HMHB1: variants seen among roughly 807,000 people sequenced by gnomAD.
HMHB1 encodes histocompatibility minor HB-1.
Under a neutral mutation model 2.4 loss-of-function variants are expected in HMHB1, and 4 were observed. That is an observed-to-expected ratio of 1.65 (90% CI 0.81 to 3.77). The LOEUF is 3.77. HMHB1 is among the 30% of genes most tolerant of loss of function. HMHB1 has a pLI of 0.01. For synonymous variants in HMHB1, 22 were observed against 17.6 expected (o/e 1.25, Z -0.63); for missense variants, 57 against 44.2 (o/e 1.29, Z -0.82).
intron 1 of HMHB1, among the ~76,000 whole-genome samples, chr5:143,813,784 A>T (rs1014263928): frequency 1.3e-5 from 2 of 152,260 alleles, no homozygotes; most frequent in East Asian, 3.8e-4. Context: ...CAAGGAAAAA[A>T]ATATAAGTAA....
chr5:143,820,522 A>G lies in HMHB1; in HGVS notation c.80A>G (p.Asp27Gly), dbSNP rs1259444138. The G allele has an allele frequency of 1.2e-6, 2 of 1,613,354 alleles. No homozygotes were observed. Among genetic ancestry groups the G allele is most frequent in the Admixed American group, 3.3e-5 (2 of 59,970 alleles). ...AAGTCGGAATTGGTTGAAGTTGAAG[A>G]TGATGTGTATCTGAGGCACAGCTCT... is the stretch of plus-strand genomic sequence containing the variant. The change falls in exon 2 of 2, where the codon GAT becomes GGT. Residue 27 changes from aspartate to glycine, a missense_variant. Transcript: ENST00000289448.
At chr5:143,819,913 A>G in intron 1 of HMHB1, among the ~76,000 whole-genome samples, 1 of 152,166 alleles carries the variant, frequency 6.6e-6, no homozygotes, top group African/African-American at 2.4e-5. Context: ...CTTGGCTCTA[A>G]AATAAGGGGC....
intron 1 of HMHB1, 31 bp from the exon 2 acceptor site, chr5:143,820,449 C>T (rs765751008): frequency 2.2e-6 from 3 of 1,334,688 alleles, no homozygotes; most frequent in Non-Finnish European, 3.2e-6. Flanking sequence ...GTTGTAAGCT[C>T]AAGTCTCAGC....
In HMHB1 at chr5:143,820,465, C is replaced by T; in HGVS notation, c.38-15C>T. 4 of 1,537,018 alleles carry T rather than the reference C, an allele frequency of 2.6e-6. No homozygotes were observed. Among genetic ancestry groups the T allele is most frequent in the Non-Finnish European group, 3.6e-6 (4 of 1,111,128 alleles). On this transcript the variant is annotated splice_polypyrimidine_tract_variant and intron_variant, in intron 1 of 1. Coordinates refer to ENST00000289448, the MANE Select transcript of HMHB1 (RefSeq NM_021182.3). ...TTGTAAGCTCAAGTCTCAGCTAAGC[C>T]ATTCTTTTCTATAGGTTCTCTGCAT...
intron 1 of HMHB1, 130 bp from the exon 2 acceptor site, chr5:143,820,350 A>AAAAAAAAAAAAAAAAAAAAAAAAAAAAC (rs1759798690): frequency 5.1e-6 from 1 of 196,678 alleles, no homozygotes; most frequent in African/African-American, 2.7e-5. Flanking sequence ...AAAAAAAAAA[A>AAAAAAAAAAAAAAAAAAAAAAAAAAAAC]CAGAACAAAA....
At chr5:143,819,634 CAAAAA>C (rs34190658) in intron 1 of HMHB1, among the ~76,000 whole-genome samples, 2 of 82,638 alleles carry the variant, frequency 2.4e-5, no homozygotes, top group Non-Finnish European at 5.3e-5. Context: ...GACTCTGTCT[CAAAAA>C]AAAAAAAAAA....
At chr5:143,817,045 G>A (rs544345970) in intron 1 of HMHB1, among the ~76,000 whole-genome samples, 2 of 152,140 alleles carry the variant, frequency 1.3e-5, no homozygotes, top group South Asian at 4.2e-4. Context: ...ACTTTTTGAT[G>A]GGATTTTTTT....
At chr5:143,818,760 G>C (rs1187503774) in intron 1 of HMHB1, among the ~76,000 whole-genome samples, 2 of 151,800 alleles carry the variant, frequency 1.3e-5, no homozygotes, top group Non-Finnish European at 2.9e-5. Context: ...GCGAGTACTT[G>C]CTATTTTTTT....
At position 143,820,517 on chromosome 5, in the gene HMHB1, T is replaced by C. The variant is rs190861993; in HGVS notation, c.75T>C (p.Val25=). 6.0e-4 allele frequency: 970 copies of C among 1,613,366 alleles called. 2 individuals are homozygous for C. Among genetic ancestry groups the C allele is most frequent in the Middle Eastern group, 3.3e-3 (20 of 6,062 alleles). ...TTTGGAAGTCGGAATTGGTTGAAGT[T>C]GAAGATGATGTGTATCTGAGGCACA... The change falls in exon 2 of 2, where the codon GTT becomes GTC. Residue 25 remains valine (V), a synonymous_variant. Transcript: ENST00000289448.
intron 1 of HMHB1, among the ~76,000 whole-genome samples, chr5:143,813,355 T>A (rs1443230918): frequency 6.6e-6 from 1 of 152,180 alleles, no homozygotes; most frequent in Non-Finnish European, 1.5e-5. Flanking sequence ...ACCACTCCCT[T>A]TTTGGTGCCC....
intron 1 of HMHB1, among the ~76,000 whole-genome samples, chr5:143,815,398 A>G (rs943408582): frequency 6.6e-6 from 1 of 152,142 alleles, no homozygotes; most frequent in Non-Finnish European, 1.5e-5. Context: ...TCATGGTCCC[A>G]TCTTCCGTCT....
chr5:143,820,644 A>C lies in HMHB1; in HGVS notation c.*76A>C. 1.1e-6 allele frequency: 1 copy of C among 929,264 alleles called. No homozygotes were observed. 57.6% of individuals were successfully genotyped at this position (929,264 alleles called of 1,614,324 possible). A position where few individuals can be genotyped will look rare whatever the true frequency, so the allele number is the denominator to read the frequency against. On this transcript the variant is annotated 3_prime_UTR_variant, in exon 2 of 2. Transcript: ENST00000289448. ...AGGGACAAATTGCTGAGCATGAAGA[A>C]GAGTAAAATTAAGCAAGTGGAACAT... is the stretch of plus-strand genomic sequence containing the variant.
chr5:143,814,496 A>G (rs1398585896), intron 1 of HMHB1, among the ~76,000 whole-genome samples: 1 of 152,122 alleles, frequency 6.6e-6, no homozygotes, highest in Non-Finnish European at 1.5e-5. Flanking sequence ...TTTGCGTTTC[A>G]GTTCATAGTA....
At chr5:143,820,318 T>TTAAA (rs1224094703) in intron 1 of HMHB1, among the ~76,000 whole-genome samples, 162 bp from the exon 2 acceptor site, 12 of 47,562 alleles carry the variant, frequency 2.5e-4, no homozygotes, top group African/African-American at 8.4e-4. Context: ...TCATCATAAG[T>TTAAA]AAAAAAAAAA....
intron 1 of HMHB1, among the ~76,000 whole-genome samples, 162 bp from the exon 2 acceptor site, chr5:143,820,318 T>TAAAAAAAAAAAAAAAAAAAAACAAAAAA (rs1759794347): frequency 2.1e-5 from 1 of 47,566 alleles, no homozygotes; most frequent in Non-Finnish European, 4.1e-5. Context: ...TCATCATAAG[T>TAAAAAAAAAAAAAAAAAAAAACAAAAAA]AAAAAAAAAA....
chr5:143,816,986 G>T (rs575363622), intron 1 of HMHB1, among the ~76,000 whole-genome samples: 2 of 152,158 alleles, frequency 1.3e-5, no homozygotes, highest in African/African-American at 2.4e-5. Context: ...ATGTTTGTTG[G>T]CCATTTGTAT....
At chr5:143,813,081 A>G (rs745602250) in intron 1 of HMHB1, among the ~76,000 whole-genome samples, 12 of 152,140 alleles carry the variant, frequency 7.9e-5, no homozygotes, top group Non-Finnish European at 1.3e-4. Context: ...TCCTTCCTGC[A>G]ACTGGAGGTC....
rs1399354874 is a variant in HMHB1 at position 143,815,748 on chromosome 5, G to T, written c.37+3444G>T. 1.4e-4 allele frequency among the ~76,000 whole-genome samples: 20 copies of T among 147,694 alleles called. 1 individual carries two copies. The East Asian group carries it at 3.8e-3, about 28-fold the overall frequency. On this transcript the variant is annotated intron_variant, in intron 1 of 1. Transcript: ENST00000289448. Reference sequence around the variant, plus strand: ...GGAGTCTCGCTCTGTCGCCCAGGCCGGACTGCGGACTGCAGTGGCGCAATC... The same window carrying T: ...GGAGTCTCGCTCTGTCGCCCAGGCCTGACTGCGGACTGCAGTGGCGCAATC...
At chr5:143,817,625 A>T (rs1326836662) in intron 1 of HMHB1, among the ~76,000 whole-genome samples, 1 of 152,138 alleles carries the variant, frequency 6.6e-6, no homozygotes, top group Non-Finnish European at 1.5e-5. Flanking sequence ...TATAGTTTGA[A>T]ATCAGGTAAT....
Sources: gnomAD v4.1 joint callset for allele counts (sites outside exome capture counted in the v4.1 genomes callset) on GRCh38, gnomAD v4.1.1 for gene constraint, MANE v1.5 for transcripts, NCBI Gene and HGNC (gene_info 2026-07-23, HGNC 2026-07-21) for gene names.